Variants in KCNIP1 observed in about 807,000 individuals in gnomAD.
KCNIP1 encodes potassium voltage-gated channel interacting protein 1, also known as A-type potassium channel modulatory protein KCNIP1.
KCNIP1 carries 18 observed loss-of-function variants against 33.0 expected under a neutral mutation model. The observed-to-expected ratio is 0.55, with a 90% CI of 0.38 to 0.81. The LOEUF (loss-of-function observed/expected upper bound fraction) is 0.81. Ranked by LOEUF, KCNIP1 falls within the 30% of genes least tolerant of loss-of-function variation. KCNIP1 has a pLI of 0.00. For missense variants in KCNIP1, 238 were observed against 271.6 expected (o/e 0.88, Z 0.87); for synonymous variants, 93 against 98.3 (o/e 0.95, Z 0.32).
In KCNIP1 at chr5:170,682,784, CTTTTTT is replaced by C. The variant is rs70979196; in HGVS notation, c.62-35954_62-35949del. Among the ~76,000 whole-genome samples the C allele has an allele frequency of 7.1e-4, 51 of 71,390 alleles. 1 individual carries two copies. Among genetic ancestry groups the C allele is most frequent in the African/African-American group, 8.7e-4 (15 of 17,264 alleles). The allele number at this position is 71,390 out of a possible 152,430, so 46.8% of individuals were successfully genotyped here. A position where few individuals can be genotyped will look rare whatever the true frequency, so the allele number is the denominator to read the frequency against. ...CAACAGCGTCCTATTTTCTTTGTTT[CTTTTTT>C]TTTTTTTTTTTTTTTTTTTGATGAG... On this transcript the variant is annotated intron_variant, in intron 1 of 7. Transcript: ENST00000328939.
In KCNIP1 at chr5:170,504,695, G is replaced by T; in HGVS notation, c.61+62G>T. ...CTTGGGGGTGCTAGGCGCCGAGGTGGGCTGTGCCACCTGCCTCCCTTAGTC... is the reference window on the plus strand; with the variant it reads ...CTTGGGGGTGCTAGGCGCCGAGGTGTGCTGTGCCACCTGCCTCCCTTAGTC... On this transcript the variant is annotated intron_variant, in intron 1 of 7. Transcript: ENST00000328939. This position sits in a 1 kb window ranked among gnomAD's most constrained non-coding sequence, Gnocchi z 6.0. 7.1e-7 allele frequency: 1 copy of T among 1,413,030 alleles called. No individual in the cohort carries two copies. 87.5% of individuals were successfully genotyped at this position (1,413,030 alleles called of 1,614,324 possible). A position where few individuals can be genotyped will look rare whatever the true frequency, so the allele number is the denominator to read the frequency against.
chr5:170,514,172 T>C (rs1755039412), intron 1 of KCNIP1, among the ~76,000 whole-genome samples: 1 of 152,162 alleles, frequency 6.6e-6, no homozygotes, highest in Admixed American at 6.5e-5. Context: ...AATGACAGCC[T>C]CCTCTTGGCC....
At chr5:170,538,419 C>T (rs1756076807) in intron 1 of KCNIP1, among the ~76,000 whole-genome samples, 1 of 152,096 alleles carries the variant, frequency 6.6e-6, no homozygotes, top group South Asian at 2.1e-4. Context: ...GAGTAGGAAG[C>T]CTCCCTATGA....
chr5:170,632,570 G>A (rs1225040823), intron 1 of KCNIP1, among the ~76,000 whole-genome samples: 4 of 152,220 alleles, frequency 2.6e-5, no homozygotes, highest in African/African-American at 9.6e-5. Context: ...ACCTCTCTGG[G>A]CCGTTTGCAC....
chr5:170,472,629 C>A (rs937602364), intron 1 of KCNIP1, among the ~76,000 whole-genome samples: 40 of 126,510 alleles, frequency 3.2e-4, no homozygotes, highest in African/African-American at 1.1e-3. Context: ...CAGTTTTATG[C>A]CTTTGCGTCC....
intron 1 of KCNIP1, among the ~76,000 whole-genome samples, chr5:170,672,629 A>G (rs1761969261): frequency 6.6e-6 from 1 of 152,282 alleles, no homozygotes; most frequent in South Asian, 2.1e-4. Context: ...GTTTTTAATA[A>G]CTCACCAGTG....
intron 1 of KCNIP1, among the ~76,000 whole-genome samples, chr5:170,682,374 A>G (rs775510396): frequency 8.5e-5 from 13 of 152,154 alleles, no homozygotes; most frequent in Non-Finnish European, 1.9e-4. Context: ...CCAGACTGTG[A>G]GTCCCTCAGC....
rs1383099188 is a variant in KCNIP1, at chr5:170,386,686, G to GTT, written c.88+32733_88+32734dup. 8.8e-3 allele frequency among the ~76,000 whole-genome samples: 1,274 copies of GTT among 143,958 alleles called. 16 individuals carry two copies. The highest frequency in any genetic ancestry group is 0.03 in the African/African-American group (1,199 of 39,500). 94.4% of individuals were successfully genotyped at this position (143,958 alleles called of 152,430 possible). A position where few individuals can be genotyped will look rare whatever the true frequency, so the allele number is the denominator to read the frequency against. On this transcript the variant is annotated intron_variant, in intron 1 of 7. Transcript: ENST00000377360. ...GGCAGGAGGTTTACCATATTCCGGT[G>GTT]TTTTTTTTTTTTGTAAGGAACATTC...
chr5:170,666,837 G>A (rs981729323), intron 1 of KCNIP1, among the ~76,000 whole-genome samples: 6 of 152,306 alleles, frequency 3.9e-5, no homozygotes, highest in East Asian at 1.9e-4. Context: ...CCAGCAGACC[G>A]CAGGCCAAGA....
chr5:170,699,556 GAAA>G (rs35103942), intron 1 of KCNIP1, among the ~76,000 whole-genome samples: 1 of 111,960 alleles, frequency 8.9e-6, no homozygotes, highest in Non-Finnish European at 2.0e-5. Flanking sequence ...ATTGCTCTGT[GAAA>G]AAAAAAAAAA....
chr5:170,480,384 T>TG (rs1756950956), intron 1 of KCNIP1, among the ~76,000 whole-genome samples: 2 of 151,738 alleles, frequency 1.3e-5, no homozygotes, highest in Non-Finnish European at 2.9e-5. Context: ...AAATGTGGCC[T>TG]AAGAATATAA....
intron 1 of KCNIP1, among the ~76,000 whole-genome samples, chr5:170,685,195 A>G (rs1402416315): frequency 6.6e-6 from 1 of 151,816 alleles, no homozygotes; most frequent in Non-Finnish European, 1.5e-5. Context: ...AATACTTTCC[A>G]TCCTCCAATG....
chr5:170,485,049 T>A (rs1757058290), intron 1 of KCNIP1, among the ~76,000 whole-genome samples: 1 of 151,354 alleles, frequency 6.6e-6, no homozygotes, highest in African/African-American at 2.4e-5. Flanking sequence ...CAAGCAATTC[T>A]CTTGCCTCAG....
At chr5:170,686,477 C>A (rs1762540183) in intron 1 of KCNIP1, among the ~76,000 whole-genome samples, 1 of 152,158 alleles carries the variant, frequency 6.6e-6, no homozygotes, top group African/African-American at 2.4e-5. Flanking sequence ...AATCATTGGC[C>A]TTTAGGAGTC....
At chr5:170,374,836 G>A (rs1431676817) in intron 1 of KCNIP1, 1 of 152,178 alleles carries the variant, frequency 6.6e-6, no homozygotes, top group Non-Finnish European at 1.5e-5. Flanking sequence ...GACAGTTGTG[G>A]CATTTGCTAG....
intron 1 of KCNIP1, among the ~76,000 whole-genome samples, chr5:170,474,230 C>G (rs537348227): frequency 2.0e-5 from 3 of 152,098 alleles, no homozygotes; most frequent in African/African-American, 7.2e-5. Flanking sequence ...ACGAGACAAC[C>G]TTTACTTATC....
At chr5:170,367,353 GAA>G (rs1763694501) in intron 1 of KCNIP1, among the ~76,000 whole-genome samples, 1 of 40,956 alleles carries the variant, frequency 2.4e-5, no homozygotes, top group Non-Finnish European at 5.3e-5. Context: ...GAAAGAAAAA[GAA>G]AGAAAGAAAG....
chr5:170,511,526 T>A (rs1475003577), intron 1 of KCNIP1, among the ~76,000 whole-genome samples: 8 of 152,240 alleles, frequency 5.3e-5, no homozygotes, highest in Non-Finnish European at 1.0e-4. Flanking sequence ...TAAGGGAAGC[T>A]GTCAACTTTA....
At chr5:170,415,508 C>T (rs1426237611) in intron 1 of KCNIP1, among the ~76,000 whole-genome samples, 2 of 152,132 alleles carry the variant, frequency 1.3e-5, no homozygotes, top group African/African-American at 4.8e-5. Context: ...CAGGTGAGAA[C>T]CACTGCTTAG....
Sources: gnomAD v4.1 joint callset for allele counts (sites outside exome capture counted in the v4.1 genomes callset) on GRCh38, gnomAD v4.1.1 for gene constraint, Gnocchi (gnomAD v3.1) non-coding constraint, MANE v1.5 for transcripts, NCBI Gene and HGNC (gene_info 2026-07-23, HGNC 2026-07-21) for gene names.